The following PTPRN2 variants were observed in gnomAD, a reference collection of about 807,000 sequenced individuals.
PTPRN2 encodes protein tyrosine phosphatase receptor type N2.
PTPRN2 carries 74 observed loss-of-function variants against 118.8 expected under a neutral mutation model. The ratio of observed to expected loss-of-function variants is 0.62; its 90% CI spans 0.52 to 0.76. The LOEUF (loss-of-function observed/expected upper bound fraction) is 0.76. Among genes scored for constraint, PTPRN2 ranks in the 30% least tolerant of loss-of-function variants. The pLI is 0.00. For synonymous variants in PTPRN2, 641 were observed against 608.0 expected (o/e 1.05, Z -0.80); for missense variants, 1,481 against 1,394.4 (o/e 1.06, Z -0.99).
At chr7:158,587,190 C>T (rs1201030423) in intron 1 of PTPRN2, among the ~76,000 whole-genome samples, 1 of 141,406 alleles carries the variant, frequency 7.1e-6, no homozygotes, top group Admixed American at 7.0e-5. Flanking sequence ...CCTAAACCCC[C>T]CACTCATTCA....
chr7:158,138,617 G>A (rs879494591), intron 6 of PTPRN2, 102 bp from the exon 7 acceptor site: 41 of 1,099,014 alleles, frequency 3.7e-5, no homozygotes, highest in Non-Finnish European at 5.1e-5. Context: ...GGCGTCCCAA[G>A]GCAGTGGCCA....
chr7:157,883,388 G>A (rs1270348939), intron 12 of PTPRN2, among the ~76,000 whole-genome samples: 1 of 145,230 alleles, frequency 6.9e-6, no homozygotes, highest in African/African-American at 2.6e-5. Context: ...TTGGAGAAGA[G>A]AACACACCAC....
rs549189391 is a variant in PTPRN2, at chr7:158,204,280, C to T, written c.380+891G>A. ...CAGCCCCCGCCCTCAGTGTGCGCCG[C>T]GTTCTGAGGAAAGAGGCAACCCGCG... On this transcript the variant is annotated intron_variant, in intron 4 of 22. Coordinates refer to ENST00000389418, the MANE Select transcript of PTPRN2 (RefSeq NM_002847.5). Among the ~76,000 whole-genome samples, 433 of 151,882 alleles carry T rather than the reference C, an allele frequency of 2.9e-3. 1 individual carries two copies. The highest frequency in any genetic ancestry group is 9.8e-3 in the African/African-American group (408 of 41,454).
chr7:157,940,526 ACCCTCCCCTGTGACACTGCAAATCTAACG>A (rs1799989888), intron 11 of PTPRN2, among the ~76,000 whole-genome samples: 16 of 142,660 alleles, frequency 1.1e-4, no homozygotes, highest in East Asian at 4.4e-4. Flanking sequence ...CAAATCTCAT[ACCCTCCCCTGTGACACTGCAAATCTAACG>A]CCCTCCCCTG....
chr7:158,173,858 C>A (rs1317058742), intron 5 of PTPRN2, among the ~76,000 whole-genome samples: 1 of 152,234 alleles, frequency 6.6e-6, no homozygotes. Context: ...CTGCCCGACC[C>A]CGCAGGCAGT....
chr7:158,113,047 G>T (rs1261128847), intron 9 of PTPRN2, among the ~76,000 whole-genome samples: 2 of 151,110 alleles, frequency 1.3e-5, no homozygotes, highest in East Asian at 3.9e-4. Context: ...CCCCAGCATT[G>T]AGGGCCCCCC....
intron 11 of PTPRN2, among the ~76,000 whole-genome samples, chr7:158,051,657 C>T (rs1046090812): frequency 1.4e-4 from 21 of 152,226 alleles, no homozygotes; most frequent in African/African-American, 7.2e-5. Flanking sequence ...CTTTTGGTGA[C>T]GTTCAGCACT....
At chr7:158,085,401 G>A (rs1252984248) in intron 10 of PTPRN2, among the ~76,000 whole-genome samples, 5 of 25,236 alleles carry the variant, frequency 2.0e-4, no homozygotes, top group East Asian at 1.9e-3. Context: ...CACCCACGAC[G>A]CCCATCCACA....
At chr7:157,811,600 C>T (rs28360936) in intron 12 of PTPRN2, among the ~76,000 whole-genome samples, 25,443 of 151,868 alleles carry the variant, frequency 0.17, 2,324 homozygotes, top group African/African-American at 0.22. Flanking sequence ...CAGGAACGTG[C>T]GTGAGCCCAT....
At chr7:157,699,295 G>A (rs1399779492) in intron 12 of PTPRN2, among the ~76,000 whole-genome samples, 1 of 152,186 alleles carries the variant, frequency 6.6e-6, no homozygotes, top group African/African-American at 2.4e-5. Flanking sequence ...GCTCACCTTT[G>A]TACCTGGATT....
intron 17 of PTPRN2, among the ~76,000 whole-genome samples, chr7:157,582,882 A>AC (rs34925426): frequency 0.22 from 32,971 of 151,116 alleles, 4,011 homozygotes; most frequent in African/African-American, 0.31. Flanking sequence ...CTCAAAAAAA[A>AC]AAAACAAAAC....
intron 3 of PTPRN2, among the ~76,000 whole-genome samples, chr7:158,290,335 C>A (rs186327289): frequency 6.1e-4 from 93 of 152,176 alleles, no homozygotes; most frequent in African/African-American, 2.2e-3. Flanking sequence ...CTGGGGCCTA[C>A]CAGGATAGGC....
intron 10 of PTPRN2, among the ~76,000 whole-genome samples, chr7:158,086,115 T>A (rs558640565): frequency 6.6e-6 from 1 of 152,196 alleles, no homozygotes; most frequent in South Asian, 2.1e-4. Context: ...CACCAGGCGC[T>A]CCTTACACAG....
chr7:158,179,664 A>T (rs1165164173), intron 5 of PTPRN2, among the ~76,000 whole-genome samples: 1 of 152,140 alleles, frequency 6.6e-6, no homozygotes, highest in Admixed American at 6.5e-5. Flanking sequence ...TTTTTGTATA[A>T]GGTAAGAGAT....
chr7:158,579,983 C>G (rs1372622042), intron 1 of PTPRN2, among the ~76,000 whole-genome samples: 1 of 152,204 alleles, frequency 6.6e-6, no homozygotes, highest in Non-Finnish European at 1.5e-5. Flanking sequence ...GTGGTCTCAA[C>G]CTTGGCCTGT....
Position 158,146,868 on chromosome 7 carries a change from A to G in PTPRN2, c.911-8353T>C, listed in dbSNP as rs146740457. On this transcript the variant is annotated intron_variant, in intron 6 of 22. Transcript: ENST00000389418. ...ACTTGACCAATGGATAGAACAAGCA[A>G]ACAGTTTACAGGGAAAATACACCAT... Among the ~76,000 whole-genome samples the G allele has an allele frequency of 5.4e-4, 82 of 152,110 alleles. 8 individuals carry two copies. In the South Asian group the frequency reaches 5.4e-3, roughly 10 times the overall value.
At chr7:158,422,441 G>A (rs1815332218) in intron 2 of PTPRN2, among the ~76,000 whole-genome samples, 1 of 152,180 alleles carries the variant, frequency 6.6e-6, no homozygotes. Context: ...GGAAAACTCT[G>A]AATGCTGCCA....
chr7:157,579,904 C>T (rs574478969), intron 17 of PTPRN2, among the ~76,000 whole-genome samples: 9 of 152,332 alleles, frequency 5.9e-5, no homozygotes, highest in Admixed American at 2.6e-4. Context: ...TCCTTTGAAT[C>T]GGTACAAAGC....
At position 157,646,799 on chromosome 7, in the gene PTPRN2, G is replaced by A. The variant is rs775022212; in HGVS notation, c.2196+9558C>T. Reference sequence around the variant, plus strand: ...GAGGACGGATACTTGGGTCTGCACCGGGCCCAAAGGCCATGGCAGCCACTG... The same window carrying A: ...GAGGACGGATACTTGGGTCTGCACCAGGCCCAAAGGCCATGGCAGCCACTG... On this transcript the variant is annotated intron_variant, in intron 14 of 22. Coordinates refer to ENST00000389418, the MANE Select transcript of PTPRN2 (RefSeq NM_002847.5). 1.5e-4 allele frequency among the ~76,000 whole-genome samples: 23 copies of A among 152,238 alleles called. 1 individual carries two copies. Among genetic ancestry groups the A allele is most frequent in the Non-Finnish European group, 2.5e-4 (17 of 68,042 alleles).
Sources: allele counts gnomAD v4.1 joint callset (sites outside exome capture counted in the v4.1 genomes callset), GRCh38; gene constraint gnomAD v4.1.1; transcripts MANE v1.5; gene names NCBI Gene and HGNC (gene_info 2026-07-23, HGNC 2026-07-21).